DHX8: variants seen among roughly 807,000 people sequenced by gnomAD.
DHX8 encodes DEAH-box helicase 8.
A neutral mutation model predicts 140.7 loss-of-function variants in DHX8; 67 were observed. The observed-to-expected ratio is 0.48, with a 90% CI of 0.39 to 0.58. The LOEUF (loss-of-function observed/expected upper bound fraction) is 0.58, where lower values mean the gene tolerates loss of function less well. Among genes scored for constraint, DHX8 ranks in the 20% least tolerant of loss-of-function variants. DHX8 has a pLI of 0.00. For synonymous variants in DHX8, 533 were observed against 553.2 expected (o/e 0.96, Z 0.51); for missense variants, 887 against 1,550.7 (o/e 0.57, Z 7.19).
downstream of DHX8, chr17:43,527,741 C>T (rs1393233911): frequency 1.9e-5 from 4 of 205,584 alleles, no homozygotes; most frequent in Admixed American, 6.0e-5. Flanking sequence ...AGGATTTAAG[C>T]GCCAGGGCCT....
At chr17:43,506,900 C>T in intron 12 of DHX8, 103 bp from the exon 13 acceptor site, 5 of 818,318 alleles carry the variant, frequency 6.1e-6, no homozygotes, top group Non-Finnish European at 7.1e-6. Flanking sequence ...TATTTTATTC[C>T]AGAGTAATGT....
intron 3 of DHX8, among the ~76,000 whole-genome samples, chr17:43,539,505 C>T (rs1971411392): frequency 6.6e-6 from 1 of 151,464 alleles, no homozygotes. Context: ...CTATCTCCTC[C>T]ACCAGGAAGT....
intron 11 of DHX8, among the ~76,000 whole-genome samples, chr17:43,504,274 C>T (rs144568232): frequency 1.3e-5 from 2 of 152,082 alleles, no homozygotes; most frequent in Non-Finnish European, 2.9e-5. Context: ...CCTCTTCTCG[C>T]TTGAGCCCAG....
chr17:43,499,892 C>T (rs1969084896), intron 10 of DHX8, 64 bp from the exon 11 acceptor site: 1 of 1,575,798 alleles, frequency 6.3e-7, no homozygotes, highest in African/African-American at 1.4e-5. Context: ...ATTACAGGAG[C>T]TTAACTTCTA....
chr17:43,543,144 CAGAA>C, intron 3 of DHX8, among the ~76,000 whole-genome samples: 1 of 152,174 alleles, frequency 6.6e-6, no homozygotes, highest in Non-Finnish European at 1.5e-5. Flanking sequence ...GCTGCTCCCT[CAGAA>C]GGAAGGAGAG....
intron 8 of DHX8, among the ~76,000 whole-genome samples, chr17:43,494,413 G>A (rs1968723259): frequency 6.6e-6 from 1 of 152,074 alleles, no homozygotes; most frequent in South Asian, 2.1e-4. Flanking sequence ...AGTGTTGGTG[G>A]TGTGAGGATT....
intron 4 of DHX8, among the ~76,000 whole-genome samples, chr17:43,491,971 C>G (rs1175572129): frequency 6.6e-6 from 1 of 152,154 alleles, no homozygotes; most frequent in East Asian, 1.9e-4. Flanking sequence ...TCATAGAATT[C>G]TATTAAGGAC....
intron 9 of DHX8, among the ~76,000 whole-genome samples, chr17:43,497,340 G>A (rs1968923492): frequency 6.6e-6 from 1 of 151,786 alleles, no homozygotes; most frequent in Non-Finnish European, 1.5e-5. Flanking sequence ...TACTTTTGAT[G>A]GACATATGAG....
chr17:43,529,779 T>G, downstream of DHX8: 2 of 1,597,184 alleles, frequency 1.3e-6, no homozygotes, highest in Non-Finnish European at 1.7e-6. Flanking sequence ...CCCAGGTACT[T>G]TTCTATGGGT....
At chr17:43,484,274 G>A in intron 1 of DHX8, 89 bp downstream of exon 1, 1 of 1,411,858 alleles carries the variant, frequency 7.1e-7, no homozygotes, top group Non-Finnish European at 9.9e-7. Flanking sequence ...TTGATGGACC[G>A]AAAGTATGTT....
In DHX8 at chr17:43,520,880, G is replaced by T; in HGVS notation, c.3066+1G>T. On this transcript the variant is annotated splice_donor_variant, in intron 20 of 22. Transcript: ENST00000262415. LOFTEE classifies it high-confidence loss of function. ...GCAGAACGTCTTCTATAGGCCCAAG[G>T]TAGGAAGTTCAGATCCAAGTTTAGA... 2 of 1,606,732 alleles carry T rather than the reference G, an allele frequency of 1.2e-6. No individual in the cohort carries two copies. The highest frequency in any genetic ancestry group is 1.7e-6 in the Non-Finnish European group (2 of 1,177,032).
Position 43,542,163 on chromosome 17 carries a change from G to A in DHX8, c.*21-1999G>A, listed in dbSNP as rs115282075. Among the ~76,000 whole-genome samples the A allele has an allele frequency of 1.9e-3, 293 of 152,220 alleles. 2 individuals carry two copies. Among genetic ancestry groups the A allele is most frequent in the African/African-American group, 6.5e-3 (269 of 41,518 alleles). ...CAGTGATTCCTGTGAAAAGGGGAGC[G>A]CAGATCGATCGATCCCTTTGAGAAT... is the stretch of plus-strand genomic sequence containing the variant. On this transcript the variant is annotated intron_variant, in intron 3 of 3. Coordinates refer to the DHX8 transcript ENST00000589898.
chr17:43,526,820 A>G (rs961053444), downstream of DHX8: 102 of 664,512 alleles, frequency 1.5e-4, no homozygotes, highest in Non-Finnish European at 2.1e-4. Context: ...TTCTTGCACT[A>G]AATTATGTCA....
chr17:43,530,446 G>A (rs1350514626), downstream of DHX8: 1 of 1,363,062 alleles, frequency 7.3e-7, no homozygotes, highest in Admixed American at 3.3e-5. Flanking sequence ...TGTTCTGAAG[G>A]GCCCAAGCTG....
At chr17:43,502,594 T>C (rs1162686545) in intron 11 of DHX8, among the ~76,000 whole-genome samples, 3 of 152,032 alleles carry the variant, frequency 2.0e-5, no homozygotes, top group Non-Finnish European at 4.4e-5. Context: ...GAGTAATTAT[T>C]TTGCATTTTT....
At chr17:43,525,836 G>A (rs1384306336), downstream of DHX8, 14 of 985,090 alleles carry the variant, frequency 1.4e-5, no homozygotes, top group East Asian at 1.6e-3. Context: ...GGCCCAGCCT[G>A]TCCTGACTGA....
At chr17:43,487,859 C>T (rs894161195) in intron 1 of DHX8, among the ~76,000 whole-genome samples, 1 of 151,960 alleles carries the variant, frequency 6.6e-6, no homozygotes, top group African/African-American at 2.4e-5. Flanking sequence ...CACCTGTAAT[C>T]CCAGCTACTT....
intron 12 of DHX8, 27 bp downstream of exon 12, chr17:43,504,852 T>TG: frequency 1.2e-6 from 2 of 1,600,060 alleles, no homozygotes; most frequent in South Asian, 1.1e-5. Flanking sequence ...GATGTATTGG[T>TG]GGGGAGTAGG....
intron 17 of DHX8, among the ~76,000 whole-genome samples, chr17:43,515,932 A>G (rs1249656151): frequency 6.6e-6 from 1 of 151,996 alleles, no homozygotes; most frequent in African/African-American, 2.4e-5. Context: ...CCCTCTTCAG[A>G]TTGCTATTCA....
Sources: allele counts gnomAD v4.1 joint callset (sites outside exome capture counted in the v4.1 genomes callset), GRCh38; gene constraint gnomAD v4.1.1; transcripts MANE v1.5; gene names NCBI Gene and HGNC (gene_info 2026-07-23, HGNC 2026-07-21).